Variants in ORC5 observed in about 807,000 individuals in gnomAD.
The protein encoded by ORC5 is protein phosphatase 1, regulatory subunit 117.
Under a neutral mutation model 58.8 loss-of-function variants are expected in ORC5, and 39 were observed. That is an observed-to-expected ratio of 0.66 (90% CI 0.51 to 0.87). ORC5 has a LOEUF of 0.87. Among genes scored for constraint, ORC5 ranks in the 40% least tolerant of loss-of-function variants. The probability of loss-of-function intolerance (pLI) is 0.00; values close to 1 mark genes in which losing one functional copy is unlikely to be tolerated. For missense variants in ORC5, 493 were observed against 506.3 expected, an observed-to-expected ratio of 0.97 and a Z score of 0.25; for synonymous variants, 218 against 177.6, an observed-to-expected ratio of 1.23 and a Z score of -1.81.
chr7:104,159,153 A>G (rs987399001), intron 12 of ORC5, among the ~76,000 whole-genome samples: 6 of 150,964 alleles, frequency 4.0e-5, no homozygotes, highest in African/African-American at 1.2e-4. Flanking sequence ...AGCCATAAAA[A>G]ATGATGAGTT....
At chr7:104,137,878 C>A (rs1028558832) in intron 12 of ORC5, among the ~76,000 whole-genome samples, 1 of 152,196 alleles carries the variant, frequency 6.6e-6, no homozygotes, top group Non-Finnish European at 1.5e-5. Flanking sequence ...TACAGCAAGG[C>A]AAGAACTAAG....
At chr7:104,150,383 T>G (rs1798824649) in intron 12 of ORC5, among the ~76,000 whole-genome samples, 1 of 152,098 alleles carries the variant, frequency 6.6e-6, no homozygotes, top group Admixed American at 6.5e-5. Context: ...AGCACCACAT[T>G]TGATCTGAAT....
intron 5 of ORC5, among the ~76,000 whole-genome samples, chr7:104,192,862 T>C (rs1172719461): frequency 6.7e-6 from 1 of 149,888 alleles, no homozygotes; most frequent in Non-Finnish European, 1.5e-5. Flanking sequence ...ACTAGACACT[T>C]GTTAAAAAAA....
At chr7:104,160,991 C>G in intron 12 of ORC5, 81 bp downstream of exon 12, 1 of 807,586 alleles carries the variant, frequency 1.2e-6, no homozygotes, top group Non-Finnish European at 2.1e-6. Context: ...GAACAAAAAT[C>G]TGAATGCCTG....
chr7:104,158,407 T>C (rs1246987204), intron 12 of ORC5, among the ~76,000 whole-genome samples: 12 of 152,236 alleles, frequency 7.9e-5, no homozygotes, highest in South Asian at 2.1e-4. Context: ...ATTCAGGACA[T>C]AGGCATGGGC....
At chr7:104,155,439 T>C (rs942328461) in intron 12 of ORC5, among the ~76,000 whole-genome samples, 2 of 151,524 alleles carry the variant, frequency 1.3e-5, no homozygotes, top group East Asian at 1.9e-4. Flanking sequence ...AAAAGAACTA[T>C]GCTCCTTTTC....
intron 2 of ORC5, chr7:104,202,455 A>G: frequency 2.3e-6 from 1 of 440,556 alleles, no homozygotes; most frequent in Non-Finnish European, 4.5e-6. Context: ...AAAGTCCACA[A>G]CATCTCTGTT....
intron 13 of ORC5, among the ~76,000 whole-genome samples, chr7:104,130,629 A>G (rs150275388): frequency 3.6e-3 from 546 of 152,288 alleles, no homozygotes; most frequent in Non-Finnish European, 5.2e-3. Flanking sequence ...GCGTCAGCCT[A>G]GTGACTTCAC....
intron 8 of ORC5, among the ~76,000 whole-genome samples, chr7:104,182,915 A>C (rs1799465081): frequency 6.6e-6 from 1 of 152,114 alleles, no homozygotes; most frequent in Non-Finnish European, 1.5e-5. Flanking sequence ...CAGGTGGATC[A>C]CCTGAGGTCA....
chr7:104,151,691 T>C (rs1458261323), intron 12 of ORC5, among the ~76,000 whole-genome samples: 1 of 152,162 alleles, frequency 6.6e-6, no homozygotes, highest in Non-Finnish European at 1.5e-5. Flanking sequence ...GTCATCCAGG[T>C]ACAGTTCAGG....
chr7:104,207,522 A>G (rs1023340597), intron 1 of ORC5, among the ~76,000 whole-genome samples: 1 of 152,216 alleles, frequency 6.6e-6, no homozygotes, highest in Admixed American at 6.5e-5. Context: ...CATAAATGTC[A>G]TTGGGTTGGG....
chr7:104,158,530 T>G (rs1029306417), intron 12 of ORC5, among the ~76,000 whole-genome samples: 2 of 151,470 alleles, frequency 1.3e-5, no homozygotes, highest in African/African-American at 4.9e-5. Flanking sequence ...ACCATCAGAG[T>G]GAACAGGCAA....
At chr7:104,206,227 G>A (rs1010982481) in intron 1 of ORC5, among the ~76,000 whole-genome samples, 7 of 152,030 alleles carry the variant, frequency 4.6e-5, no homozygotes, top group African/African-American at 9.7e-5. Flanking sequence ...AAAGGTGCTC[G>A]GTAAATATTT....
At chr7:104,189,538 G>T (rs1305427763) in intron 5 of ORC5, among the ~76,000 whole-genome samples, 1 of 151,958 alleles carries the variant, frequency 6.6e-6, no homozygotes, top group Non-Finnish European at 1.5e-5. Flanking sequence ...AAAGGAGAAG[G>T]GCTAAAGACT....
rs76593108 is a variant in ORC5, at chr7:104,129,961, T to C, written c.1263-3068A>G. On this transcript the variant is annotated intron_variant, in intron 13 of 13. Transcript: ENST00000297431. This position sits in a 1 kb window ranked among gnomAD's most constrained non-coding sequence, Gnocchi z 4.9. ...AGGATTTAATTTTGCCTTTATCCTTTTATTTCATTTTGTTGATTCATTAAA... is the reference window on the plus strand; with the variant it reads ...AGGATTTAATTTTGCCTTTATCCTTCTATTTCATTTTGTTGATTCATTAAA... 4.9e-3 allele frequency among the ~76,000 whole-genome samples: 742 copies of C among 152,362 alleles called. 2 individuals carry two copies. The highest frequency in any genetic ancestry group is 0.017 in the African/African-American group (696 of 41,574).
intron 12 of ORC5, among the ~76,000 whole-genome samples, chr7:104,160,189 G>A (rs926092770): frequency 1.5e-4 from 23 of 152,228 alleles, no homozygotes; most frequent in African/African-American, 5.5e-4. Flanking sequence ...TGAGAAAATT[G>A]AGATTATATT....
intron 12 of ORC5, among the ~76,000 whole-genome samples, chr7:104,155,649 C>G (rs1798914055): frequency 6.6e-6 from 1 of 151,240 alleles, no homozygotes; most frequent in African/African-American, 2.4e-5. Flanking sequence ...AAACCTATAC[C>G]AATGATTTTA....
chr7:104,143,155 C>T (rs879939900), intron 12 of ORC5, among the ~76,000 whole-genome samples: 5 of 151,246 alleles, frequency 3.3e-5, no homozygotes, highest in Admixed American at 2.0e-4. Flanking sequence ...CCCCTTAGTA[C>T]TTTTTTTTTA....
chr7:104,162,139 C>T (rs1472476621), intron 11 of ORC5, among the ~76,000 whole-genome samples: 1 of 152,130 alleles, frequency 6.6e-6, no homozygotes, highest in Non-Finnish European at 1.5e-5. Flanking sequence ...GCTCAAGTTC[C>T]ATTCTATTAG....
Sources: allele counts gnomAD v4.1 joint callset (sites outside exome capture counted in the v4.1 genomes callset), GRCh38; gene constraint gnomAD v4.1.1; non-coding constraint Gnocchi (gnomAD v3.1); transcripts MANE v1.5; gene names NCBI Gene and HGNC (gene_info 2026-07-23, HGNC 2026-07-21).